NXPH1: variants seen among roughly 807,000 people sequenced by gnomAD.
The protein encoded by NXPH1 is neurexophilin 1, also known as neurexophilin-1.
A neutral mutation model predicts 23.7 loss-of-function variants in NXPH1; 5 were observed. That is an observed-to-expected ratio of 0.21 (90% CI 0.11 to 0.44). The LOEUF is 0.44. Among genes scored for constraint, NXPH1 ranks in the 20% least tolerant of loss-of-function variants. The pLI, the probability that NXPH1 is intolerant of heterozygous loss-of-function variation, is 0.99. For missense variants in NXPH1, 324 were observed against 321.6 expected (o/e 1.01, Z -0.06); for synonymous variants, 144 against 122.2 (o/e 1.18, Z -1.18).
chr7:8,724,529 C>G (rs545800283), intron 2 of NXPH1, among the ~76,000 whole-genome samples: 9 of 152,316 alleles, frequency 5.9e-5, no homozygotes, highest in African/African-American at 2.2e-4. Context: ...GAGGGAATTT[C>G]TGAAAATATA....
intron 2 of NXPH1, among the ~76,000 whole-genome samples, chr7:8,683,845 A>T (rs965132513): frequency 2.0e-5 from 3 of 152,158 alleles, no homozygotes; most frequent in African/African-American, 7.2e-5. Flanking sequence ...TTAGAGATTA[A>T]TAGAGATGAC....
chr7:8,715,498 G>A (rs1583243310), intron 2 of NXPH1, among the ~76,000 whole-genome samples: 1 of 152,090 alleles, frequency 6.6e-6, no homozygotes, highest in East Asian at 1.9e-4. Flanking sequence ...CTTCTATTCG[G>A]CCATCTTGCT....
intron 2 of NXPH1, among the ~76,000 whole-genome samples, chr7:8,568,057 C>T (rs1022810843): frequency 6.6e-5 from 10 of 151,776 alleles, no homozygotes; most frequent in East Asian, 1.9e-4. Flanking sequence ...ATGCTATTTT[C>T]GGGATAGATA....
intron 2 of NXPH1, among the ~76,000 whole-genome samples, chr7:8,448,744 G>C (rs1374656810): frequency 6.6e-6 from 1 of 151,686 alleles, no homozygotes; most frequent in Non-Finnish European, 1.5e-5. Context: ...GAACCTGGGA[G>C]GGGGAGGTTG....
chr7:8,581,968 G>A (rs1274908835), intron 2 of NXPH1, among the ~76,000 whole-genome samples: 1 of 152,168 alleles, frequency 6.6e-6, no homozygotes, highest in African/African-American at 2.4e-5. Context: ...TGCCAAGGGC[G>A]AGACAGGTGC....
Position 8,451,839 on chromosome 7 carries a change from C to T in NXPH1, c.54+16072C>T, listed in dbSNP as rs75215595. On this transcript the variant is annotated intron_variant, in intron 2 of 2. Coordinates refer to ENST00000405863, the MANE Select transcript of NXPH1 (RefSeq NM_152745.3). ...GATCATGAGCTATGAAAGATTGCTG[C>T]ATAGGCAAGAAGAGTATTTCCATTT... Among the ~76,000 whole-genome samples the T allele has an allele frequency of 1.9e-4, 29 of 152,350 alleles. No homozygotes were observed. In the East Asian group the frequency reaches 5.4e-3, roughly 28 times the overall value.
chr7:8,656,049 G>C (rs958879529), intron 2 of NXPH1, among the ~76,000 whole-genome samples: 4 of 152,288 alleles, frequency 2.6e-5, no homozygotes, highest in Admixed American at 1.3e-4. Flanking sequence ...CAGTTTGGTG[G>C]CACAAATTAG....
At chr7:8,555,976 A>G (rs1051085434) in intron 2 of NXPH1, among the ~76,000 whole-genome samples, 5 of 151,784 alleles carry the variant, frequency 3.3e-5, no homozygotes, top group Non-Finnish European at 7.4e-5. Context: ...CTGGGGTTAA[A>G]TATTTGTTAA....
intron 2 of NXPH1, among the ~76,000 whole-genome samples, chr7:8,608,344 TTGAGACAGGGTC>T (rs1819546158): frequency 6.6e-6 from 1 of 151,660 alleles, no homozygotes. Context: ...TTTTTTTTTT[TTGAGACAGGGTC>T]TTGCTTTGTC....
intron 2 of NXPH1, among the ~76,000 whole-genome samples, chr7:8,517,296 G>T (rs1817701321): frequency 6.6e-6 from 1 of 152,098 alleles, no homozygotes; most frequent in Non-Finnish European, 1.5e-5. Context: ...TAGAAATTGG[G>T]ACTAAAGGGT....
chr7:8,656,439 A>T (rs1467406852), intron 2 of NXPH1, among the ~76,000 whole-genome samples: 1 of 151,914 alleles, frequency 6.6e-6, no homozygotes, highest in African/African-American at 2.4e-5. Context: ...TACAGAGAAG[A>T]GGATATAGAC....
intron 2 of NXPH1, among the ~76,000 whole-genome samples, chr7:8,476,928 C>T (rs1359710866): frequency 6.6e-6 from 1 of 152,114 alleles, no homozygotes; most frequent in Non-Finnish European, 1.5e-5. Flanking sequence ...TCACAATGTA[C>T]CTATTTCCTT....
intron 2 of NXPH1, among the ~76,000 whole-genome samples, chr7:8,688,456 C>G (rs1002204067): frequency 6.6e-6 from 1 of 151,970 alleles, no homozygotes; most frequent in Non-Finnish European, 1.5e-5. Context: ...CTGCTTCTGT[C>G]CTTATTTTGC....
chr7:8,536,037 C>T (rs549321632), intron 2 of NXPH1, among the ~76,000 whole-genome samples: 134 of 151,976 alleles, frequency 8.8e-4, no homozygotes, highest in Non-Finnish European at 1.3e-3. Flanking sequence ...TTCAATTCCC[C>T]CTAAACACCT....
intron 2 of NXPH1, among the ~76,000 whole-genome samples, chr7:8,542,154 T>C (rs1818127956): frequency 6.6e-6 from 1 of 151,418 alleles, no homozygotes; most frequent in Non-Finnish European, 1.5e-5. Context: ...AAATATACAA[T>C]GTTAACATTA....
intron 2 of NXPH1, among the ~76,000 whole-genome samples, chr7:8,725,687 T>C (rs1313828319): frequency 6.6e-6 from 1 of 152,182 alleles, no homozygotes; most frequent in Non-Finnish European, 1.5e-5. Context: ...TACTAGACTT[T>C]ATTTTTTCTT....
chr7:8,555,643 A>G (rs937746827), intron 2 of NXPH1, among the ~76,000 whole-genome samples: 12 of 151,682 alleles, frequency 7.9e-5, no homozygotes, highest in Admixed American at 3.3e-4. Context: ...CCTCTTGTCC[A>G]ATCTCCCCAA....
intron 2 of NXPH1, among the ~76,000 whole-genome samples, chr7:8,706,055 T>C (rs947262887): frequency 5.3e-5 from 8 of 152,182 alleles, no homozygotes; most frequent in African/African-American, 1.4e-4. Flanking sequence ...TATCTGGAAA[T>C]GGAGATACTT....
intron 2 of NXPH1, among the ~76,000 whole-genome samples, chr7:8,590,924 C>T (rs1819080339): frequency 6.6e-6 from 1 of 152,022 alleles, no homozygotes; most frequent in Non-Finnish European, 1.5e-5. Context: ...AAAAAAATTA[C>T]ATCGGCTTTC....
Sources: allele counts gnomAD v4.1 joint callset (sites outside exome capture counted in the v4.1 genomes callset), GRCh38; gene constraint gnomAD v4.1.1; transcripts MANE v1.5; gene names NCBI Gene and HGNC (gene_info 2026-07-23, HGNC 2026-07-21).